Variants in CEP290 observed in about 807,000 individuals in gnomAD.
CEP290 encodes the protein centrosomal protein of 290 kDa.
CEP290 carries 317 observed loss-of-function variants against 344.9 expected under a neutral mutation model. The observed-to-expected ratio is 0.92, with a 90% CI of 0.84 to 1.01. The LOEUF (loss-of-function observed/expected upper bound fraction) is 1.01, where lower values mean the gene tolerates loss of function less well. Ranked by LOEUF, CEP290 falls within the 50% of genes least tolerant of loss-of-function variation. The pLI is 0.00. For synonymous variants in CEP290, 932 were observed against 895.8 expected (o/e 1.04, Z -0.72); for missense variants, 2,754 against 2,761.4 (o/e 1.00, Z 0.06).
Position 88,121,182 on chromosome 12 carries a change from A to G in CEP290, c.1190-16T>C. ...GTTGAAGCACCTACAGAGTAAAAAC[A>G]AAAATCATGAATTGAATTGACTACT... is the stretch of plus-strand genomic sequence containing the variant. On this transcript the variant is annotated splice_polypyrimidine_tract_variant and intron_variant, in intron 13 of 53. Coordinates refer to ENST00000552810, the MANE Select transcript of CEP290 (RefSeq NM_025114.4). The G allele has an allele frequency of 6.3e-7, 1 of 1,595,642 alleles. No homozygotes were observed. Among genetic ancestry groups the G allele is most frequent in the South Asian group, 1.1e-5 (1 of 88,284 alleles).
At chr12:88,105,974 A>G (rs2038246506) in intron 25 of CEP290, among the ~76,000 whole-genome samples, 1 of 152,114 alleles carries the variant, frequency 6.6e-6, no homozygotes, top group Non-Finnish European at 1.5e-5. Context: ...TATATTGCCT[A>G]GGCTGGTCTG....
At chr12:88,138,502 T>G (rs1221983719) in intron 5 of CEP290, among the ~76,000 whole-genome samples, 1 of 152,124 alleles carries the variant, frequency 6.6e-6, no homozygotes, top group Non-Finnish European at 1.5e-5. Context: ...TCCCCAACTC[T>G]CCAGTCCTGT....
At chr12:88,075,356 T>A (rs2035684192) in intron 41 of CEP290, among the ~76,000 whole-genome samples, 1 of 152,188 alleles carries the variant, frequency 6.6e-6, no homozygotes, top group Non-Finnish European at 1.5e-5. Context: ...TCTCTTTTCA[T>A]GTTTTCTGTA....
At chr12:88,093,562 T>C (rs2037205647) in intron 28 of CEP290, 3 of 484,152 alleles carry the variant, frequency 6.2e-6, no homozygotes, top group Admixed American at 7.4e-5. Context: ...TCTAATAATA[T>C]AACATTGGTG....
chr12:88,050,357 C>T lies in CEP290; in HGVS notation c.7206G>A (p.Leu2402=). 6.8e-7 allele frequency: 1 copy of T among 1,477,286 alleles called. No homozygotes were observed. The highest frequency in any genetic ancestry group is 1.9e-4 in the Middle Eastern group (1 of 5,176). 91.5% of individuals were successfully genotyped at this position (1,477,286 alleles called of 1,614,324 possible). A position where few individuals can be genotyped will look rare whatever the true frequency, so the allele number is the denominator to read the frequency against. ...LKMSDLEKQH[L]KEEIKKLKKE... ...CTAAAATATAATTAAATATTACCTT[C>T]AAATGCTGCTTTTCTAGATCTGACA... Residue 2402 remains leucine (L), a synonymous_variant, in exon 53 of 54, where the codon TTG becomes TTA. Coordinates refer to ENST00000552810, the MANE Select transcript of CEP290 (RefSeq NM_025114.4).
intron 43 of CEP290, 105 bp from the exon 44 acceptor site, chr12:88,068,750 A>G: frequency 1.8e-6 from 2 of 1,104,808 alleles, no homozygotes; most frequent in Non-Finnish European, 2.5e-6. Flanking sequence ...TGTGTTTATT[A>G]ACACTATATT....
chr12:88,119,267 G>A (rs925580375), intron 15 of CEP290, among the ~76,000 whole-genome samples: 1 of 151,946 alleles, frequency 6.6e-6, no homozygotes, highest in Non-Finnish European at 1.5e-5. Context: ...AACTAAGAAA[G>A]CATTAAATGA....
At chr12:88,115,783 C>T (rs528392628) in intron 18 of CEP290, 1 of 981,784 alleles carries the variant, frequency 1.0e-6, no homozygotes. Context: ...CTAAGAAATA[C>T]TAGCTCTCTC....
intron 49 of CEP290, chr12:88,058,613 A>G: frequency 4.0e-6 from 2 of 504,456 alleles, no homozygotes; most frequent in East Asian, 7.4e-5. Context: ...GCCCAGCCCC[A>G]GCTCTACACT....
Position 88,058,980 on chromosome 12 carries a change from T to A in CEP290, c.6686A>T (p.Asn2229Ile). 2 of 1,612,920 alleles carry A rather than the reference T, an allele frequency of 1.2e-6. No individual in the cohort carries two copies. Among genetic ancestry groups the A allele is most frequent in the Non-Finnish European group, 1.7e-6 (2 of 1,179,542 alleles). ...AAEKLRIAKNNLEILNEKMTV... is the reference protein window; with the variant it reads ...AAEKLRIAKNILEILNEKMTV... Reference sequence around the variant, plus strand: ...CATCTTCTCATTTAATATCTCTAAATTATTCTTTGCTATCCGTAATTTCTC... The same window carrying A: ...CATCTTCTCATTTAATATCTCTAAAATATTCTTTGCTATCCGTAATTTCTC... Residue 2229 changes from asparagine to isoleucine, a missense_variant, in exon 49 of 54, where the codon AAT becomes ATT. Coordinates refer to ENST00000552810, the MANE Select transcript of CEP290 (RefSeq NM_025114.4).
Position 88,054,381 on chromosome 12 carries a change from A to T in CEP290, c.6993T>A (p.Ala2331=), listed in dbSNP as rs2136636592. 4.3e-6 allele frequency: 7 copies of T among 1,611,898 alleles called. No individual in the cohort carries two copies. The highest frequency in any genetic ancestry group is 5.9e-6 in the Non-Finnish European group (7 of 1,178,710). ...CCCGTTTAAGGCCTTGCTCTGTCTC[A>T]GCACCTTCAGGAACATGTTTAAGAA... is the stretch of plus-strand genomic sequence containing the variant. ...IKILKHVPEG[A]ETEQGLKREL... is the part of the protein sequence containing the mutation. The change falls in exon 51 of 54, where the codon GCT becomes GCA. Residue 2331 remains alanine (A), a synonymous_variant. Coordinates refer to ENST00000552810, the MANE Select transcript of CEP290 (RefSeq NM_025114.4).
intron 51 of CEP290, 57 bp downstream of exon 51, chr12:88,054,283 C>T (rs145226421): frequency 8.6e-7 from 1 of 1,163,066 alleles, no homozygotes; most frequent in Non-Finnish European, 1.2e-6. Flanking sequence ...TATATAAAAA[C>T]TAATAATTTT....
chr12:88,139,625 T>C lies in CEP290; in HGVS notation c.181-61A>G, dbSNP rs1490821416. 1.1e-5 allele frequency: 14 copies of C among 1,256,464 alleles called. No individual in the cohort carries two copies. In the Admixed American group the frequency reaches 4.0e-4, roughly 36 times the overall value. The allele number at this position is 1,256,464 out of a possible 1,614,324, so 77.8% of individuals were successfully genotyped here. ...TATACTGGAATGTAAGCACTGAAAA[T>C]AAAAATTCTGTTTTATTTGTTATGA... On this transcript the variant is annotated intron_variant, in intron 3 of 53. Coordinates refer to ENST00000552810, the MANE Select transcript of CEP290 (RefSeq NM_025114.4).
intron 43 of CEP290, among the ~76,000 whole-genome samples, chr12:88,069,923 G>A (rs1422637087): frequency 6.6e-6 from 1 of 152,142 alleles, no homozygotes; most frequent in Non-Finnish European, 1.5e-5. Flanking sequence ...AGCAAATCAC[G>A]TAAAACCAAC....
rs59691324 is a variant in CEP290 at position 88,050,562 on chromosome 12, T to C, written c.7130-129A>G. On this transcript the variant is annotated intron_variant, in intron 52 of 53. Coordinates refer to ENST00000552810, the MANE Select transcript of CEP290 (RefSeq NM_025114.4). ...AGAACCTGGAAAACACTGGATGTTATGGCTGAAATACTTCAGGATGTAAAC... is the reference window on the plus strand; with the variant it reads ...AGAACCTGGAAAACACTGGATGTTACGGCTGAAATACTTCAGGATGTAAAC... The C allele has an allele frequency of 0.015, 7,626 of 520,444 alleles. 496 individuals are homozygous for C. The highest frequency in any genetic ancestry group is 0.14 in the African/African-American group (6,949 of 50,228). 32.2% of individuals were successfully genotyped at this position (520,444 alleles called of 1,614,324 possible). A position where few individuals can be genotyped will look rare whatever the true frequency, so the allele number is the denominator to read the frequency against.
At chr12:88,134,381 T>C (rs570840888) in intron 6 of CEP290, among the ~76,000 whole-genome samples, 1 of 152,340 alleles carries the variant, frequency 6.6e-6, no homozygotes, top group African/African-American at 2.4e-5. Flanking sequence ...ACACAAATGT[T>C]TCCTTACTAG....
chr12:88,077,345 C>G lies in CEP290; in HGVS notation c.5587-1G>C, dbSNP rs968692633. On this transcript the variant is annotated splice_acceptor_variant, in intron 40 of 53. Transcript: ENST00000552810. LOFTEE classifies it high-confidence loss of function. ...GTTTATTATCTGTCAGGGGTTTGCC[C>G]TAAAAAATAAAATGTAACTTTATAT... The G allele has an allele frequency of 1.8e-5, 26 of 1,478,804 alleles. No homozygotes were observed. The highest frequency in any genetic ancestry group is 2.3e-5 in the Non-Finnish European group (25 of 1,108,382). 91.6% of individuals were successfully genotyped at this position (1,478,804 alleles called of 1,614,324 possible). A position where few individuals can be genotyped will look rare whatever the true frequency, so the allele number is the denominator to read the frequency against.
At position 88,050,611 on chromosome 12, in the gene CEP290, A is replaced by G. The variant is rs1222631609; in HGVS notation, c.7130-178T>C. On this transcript the variant is annotated intron_variant, in intron 52 of 53. Coordinates refer to ENST00000552810, the MANE Select transcript of CEP290 (RefSeq NM_025114.4). ...ACACTTAATGCTGCCTCCCTCCATC[A>G]AGTATTATAATTTCATAGCAGGCAG... 3.9e-5 allele frequency among the ~76,000 whole-genome samples: 6 copies of G among 152,184 alleles called. No individual in the cohort carries two copies. In the South Asian group the frequency reaches 6.2e-4, roughly 16 times the overall value.
chr12:88,112,666 G>A (rs563858541), intron 20 of CEP290, among the ~76,000 whole-genome samples: 1 of 152,142 alleles, frequency 6.6e-6, no homozygotes, highest in East Asian at 1.9e-4. Context: ...AGCCAAATAA[G>A]GTAAAATGAA....
Sources: allele counts gnomAD v4.1 joint callset (sites outside exome capture counted in the v4.1 genomes callset), GRCh38; gene constraint gnomAD v4.1.1; transcripts MANE v1.5; gene names NCBI Gene and HGNC (gene_info 2026-07-23, HGNC 2026-07-21).